Variants in SLC37A3 observed in about 807,000 individuals in gnomAD.
SLC37A3 encodes solute carrier family 37 member 3.
In SLC37A3, 51 loss-of-function variants were observed where a neutral mutation model predicts 67.1. The ratio of observed to expected loss-of-function variants is 0.76; its 90% CI spans 0.61 to 0.96. The LOEUF is 0.96. Ranked by LOEUF, SLC37A3 falls within the 40% of genes least tolerant of loss-of-function variation. The pLI is 0.00. For synonymous variants in SLC37A3, 214 were observed against 231.4 expected (o/e 0.92, Z 0.68); for missense variants, 508 against 603.0 (o/e 0.84, Z 1.65).
chr7:140,383,728 A>T (rs1798343600), intron 1 of SLC37A3, among the ~76,000 whole-genome samples: 1 of 151,824 alleles, frequency 6.6e-6, no homozygotes, highest in African/African-American at 2.4e-5. Context: ...CCAGGCTGGC[A>T]TACAGTGGCA....
Position 140,380,368 on chromosome 7 carries a change from G to C in SLC37A3, c.112C>G (p.Arg38Gly). Residue 38 changes from arginine (R) to glycine (G), a missense_variant, in exon 3 of 15, where the codon CGA (arginine) becomes GGA (glycine). Transcript: ENST00000326232. ...ACTTTGACATTGCTAAATGTTTTTC[G>C]TGAAGCATGGAGCAACGAATAACTA... The part of the protein sequence containing the change: ...FFSYSLLHAS[R>G]KTFSNVKVSI... 6.2e-7 allele frequency: 1 copy of C among 1,612,710 alleles called. No individual in the cohort carries two copies. The highest frequency in any genetic ancestry group is 8.5e-7 in the Non-Finnish European group (1 of 1,179,092).
intron 3 of SLC37A3, among the ~76,000 whole-genome samples, chr7:140,374,711 T>C (rs187540283): frequency 6.6e-6 from 1 of 152,028 alleles, no homozygotes; most frequent in Admixed American, 6.6e-5. Context: ...CTGGGCATGG[T>C]GGTGCACACC....
chr7:140,363,126 C>T, intron 5 of SLC37A3, among the ~76,000 whole-genome samples: 1 of 87,944 alleles, frequency 1.1e-5, no homozygotes, highest in South Asian at 5.2e-4. Flanking sequence ...AGGGGCGCTT[C>T]TGCCCGGCCG....
rs1458255509 is a variant in SLC37A3 at position 140,380,390 on chromosome 7, A to C, written c.90T>G (p.Ser30Arg). The C allele has an allele frequency of 6.2e-7, 1 of 1,605,204 alleles. No homozygotes were observed. The highest frequency in any genetic ancestry group is 8.5e-7 in the Non-Finnish European group (1 of 1,172,430). Residue 30 changes from serine (S) to arginine (R), a missense_variant and splice_region_variant, in exon 3 of 15, where the codon AGT (serine) becomes AGG (arginine). By Grantham distance (110) the Ser-to-Arg change is moderately radical. Transcript: ENST00000326232. ...HVVVFLLTFF[S>R]YSLLHASRKT... Reference sequence around the variant, plus strand: ...TTCGTGAAGCATGGAGCAACGAATAACTACAAAATAGAGAGAATACAGATG... The same window carrying C: ...TTCGTGAAGCATGGAGCAACGAATACCTACAAAATAGAGAGAATACAGATG...
At chr7:140,360,160 C>A (rs1797208949) in intron 5 of SLC37A3, among the ~76,000 whole-genome samples, 1 of 151,940 alleles carries the variant, frequency 6.6e-6, no homozygotes, top group East Asian at 1.9e-4. Flanking sequence ...ACAACCTGGG[C>A]AATATAGTGA....
At chr7:140,393,660 G>A (rs1373723134) in intron 1 of SLC37A3, among the ~76,000 whole-genome samples, 1 of 152,182 alleles carries the variant, frequency 6.6e-6, no homozygotes, top group African/African-American at 2.4e-5. Context: ...CCTAGAGTGA[G>A]CTCCCTGATA....
At chr7:140,364,067 A>G (rs1797496531) in intron 5 of SLC37A3, among the ~76,000 whole-genome samples, 1 of 152,194 alleles carries the variant, frequency 6.6e-6, no homozygotes, top group Non-Finnish European at 1.5e-5. Flanking sequence ...ACTGGCCAAC[A>G]TGGTGAAACC....
intron 1 of SLC37A3, among the ~76,000 whole-genome samples, chr7:140,394,608 C>T (rs1454440707): frequency 2.1e-5 from 3 of 144,424 alleles, no homozygotes; most frequent in East Asian, 2.2e-4. Context: ...GGCGACAGAG[C>T]GAGACTCCAT....
At chr7:140,381,575 TAAAC>T (rs1470934383) in intron 2 of SLC37A3, among the ~76,000 whole-genome samples, 1 of 151,768 alleles carries the variant, frequency 6.6e-6, no homozygotes, top group Admixed American at 6.6e-5. Flanking sequence ...TAAAGATTAA[TAAAC>T]AAAATCTACT....
At chr7:140,365,439 GGCCGAGT>G (rs927546770) in intron 4 of SLC37A3, among the ~76,000 whole-genome samples, 1 of 151,994 alleles carries the variant, frequency 6.6e-6, no homozygotes, top group Non-Finnish European at 1.5e-5. Context: ...AAAAAAAATT[GGCCGAGT>G]GCAGTAGCTC....
chr7:140,341,386 A>G (rs1463700207), intron 13 of SLC37A3, among the ~76,000 whole-genome samples: 1 of 152,156 alleles, frequency 6.6e-6, no homozygotes, highest in Non-Finnish European at 1.5e-5. Context: ...GTCACGGTGC[A>G]TCACCTTTAC....
At chr7:140,362,959 C>A (rs1438355996) in intron 5 of SLC37A3, among the ~76,000 whole-genome samples, 1 of 86,992 alleles carries the variant, frequency 1.1e-5, no homozygotes, top group Non-Finnish European at 2.6e-5. Flanking sequence ...GTCAGCCCCC[C>A]GCCCAGCCGG....
At chr7:140,342,352 C>T (rs537754100) in intron 13 of SLC37A3, among the ~76,000 whole-genome samples, 1 of 152,242 alleles carries the variant, frequency 6.6e-6, no homozygotes, top group East Asian at 1.9e-4. Flanking sequence ...ACAAATCCTT[C>T]AGTTCTCTTT....
rs80282019 is a variant in SLC37A3 at position 140,352,827 on chromosome 7, C to T, written c.619-681G>A. ...ACAGCTAGATTAAAGACTCTCAACC[C>T]CCAGGCTGCACAGCTGAATTTTTAT... On this transcript the variant is annotated intron_variant, in intron 7 of 14. Coordinates refer to ENST00000326232, the MANE Select transcript of SLC37A3 (RefSeq NM_207113.3). Among the ~76,000 whole-genome samples, 29 of 152,228 alleles carry T rather than the reference C, an allele frequency of 1.9e-4. No homozygotes were observed. In the East Asian group the frequency reaches 5.6e-3, roughly 29 times the overall value.
At chr7:140,388,541 G>C (rs915472422) in intron 1 of SLC37A3, among the ~76,000 whole-genome samples, 8 of 152,068 alleles carry the variant, frequency 5.3e-5, no homozygotes, top group Admixed American at 5.2e-4. Flanking sequence ...GGCCAGGCAT[G>C]GTGGCTCACG....
At chr7:140,364,267 G>T in intron 5 of SLC37A3, 141 bp downstream of exon 5, 2 of 728,836 alleles carry the variant, frequency 2.7e-6, no homozygotes, top group Non-Finnish European at 4.2e-6. Flanking sequence ...GGAAAAAAAA[G>T]ACTCATCTAA....
intron 1 of SLC37A3, among the ~76,000 whole-genome samples, chr7:140,395,160 G>A (rs897263811): frequency 6.8e-6 from 1 of 146,430 alleles, no homozygotes; most frequent in African/African-American, 2.5e-5. Context: ...GGTGGATCAC[G>A]AGGTTAGGAG....
At chr7:140,363,284 G>C (rs373483139) in intron 5 of SLC37A3, among the ~76,000 whole-genome samples, 2 of 88,554 alleles carry the variant, frequency 2.3e-5, no homozygotes, top group African/African-American at 8.4e-5. Context: ...TTGAGAAATC[G>C]GATGGTTGCC....
At chr7:140,376,348 A>G (rs1798031097) in intron 3 of SLC37A3, among the ~76,000 whole-genome samples, 2 of 152,362 alleles carry the variant, frequency 1.3e-5, no homozygotes, top group Admixed American at 1.3e-4. Flanking sequence ...AAATGTTCCA[A>G]GTATTCATAG....
Sources: gnomAD v4.1 joint callset for allele counts (sites outside exome capture counted in the v4.1 genomes callset) on GRCh38, gnomAD v4.1.1 for gene constraint, MANE v1.5 for transcripts, NCBI Gene and HGNC (gene_info 2026-07-23, HGNC 2026-07-21) for gene names.